Variants in MYBL2 observed in about 807,000 individuals in gnomAD.
The protein encoded by MYBL2 is myb-related protein B.
MYBL2 carries 28 observed loss-of-function variants against 79.9 expected under a neutral mutation model. The observed-to-expected ratio is 0.35, with a 90% CI of 0.26 to 0.48. The LOEUF (loss-of-function observed/expected upper bound fraction) is 0.48. Among genes scored for constraint, MYBL2 ranks in the 20% least tolerant of loss-of-function variants. The pLI is 0.99. For missense variants in MYBL2, 735 were observed against 893.9 expected, an observed-to-expected ratio of 0.82 and a Z score of 2.27; for synonymous variants, 378 against 361.2, an observed-to-expected ratio of 1.05 and a Z score of -0.53.
rs138612362 is a variant in MYBL2, at chr20:43,710,029, C to T, written c.1572C>T (p.Asn524=). ...CCCACACGCCAACCCCGTTCAAGAA[C>T]GCCCTGGAGAAGTACGGACCCCTGA... is the stretch of plus-strand genomic sequence containing the variant. ...NTPHTPTPFK[N]ALEKYGPLKP... is the part of the protein sequence containing the mutation. Residue 524 remains asparagine (N), a synonymous_variant, in exon 10 of 14, where the codon AAC becomes AAT. Transcript: ENST00000217026. The T allele has an allele frequency of 8.7e-5, 140 of 1,609,880 alleles. No homozygotes were observed. Among genetic ancestry groups the T allele is most frequent in the Non-Finnish European group, 1.0e-4 (118 of 1,178,136 alleles).
At chr20:43,681,986 A>C in intron 3 of MYBL2, 131 bp downstream of exon 3, 1 of 888,170 alleles carries the variant, frequency 1.1e-6, no homozygotes, top group Non-Finnish European at 1.8e-6. Flanking sequence ...ACCAAATAAA[A>C]CAGGGCAAAT....
At chr20:43,706,863 G>A (rs1010221229) in intron 9 of MYBL2, among the ~76,000 whole-genome samples, 7 of 150,664 alleles carry the variant, frequency 4.6e-5, no homozygotes, top group South Asian at 2.1e-4. Context: ...TTACAGGCAC[G>A]CGCCACCACA....
In MYBL2 at chr20:43,715,138, C is replaced by A; in HGVS notation, c.1829C>A (p.Thr610Lys). The A allele has an allele frequency of 6.2e-7, 1 of 1,614,196 alleles. No individual in the cohort carries two copies. Among genetic ancestry groups the A allele is most frequent in the Non-Finnish European group, 8.5e-7 (1 of 1,180,016 alleles). The change falls in exon 13 of 14, where the codon ACA becomes AAA. Residue 610 changes from threonine (T) to lysine (K), a missense_variant. Coordinates refer to ENST00000217026, the MANE Select transcript of MYBL2 (RefSeq NM_002466.4). ...STLPKSLSLP[T>K]TAPSNSSSLT... is the part of the protein sequence containing the mutation. ...TTGACTTGGTTTTGGTTTCAGCCGA[C>A]AACTGCCCCTTCAAACTCTTCCAGC...
chr20:43,708,091 AGCCTCCCT>A lies in MYBL2; in HGVS notation c.1506-1862_1506-1855del, dbSNP rs199976436. Among the ~76,000 whole-genome samples, 1,198 of 152,292 alleles carry A rather than the reference AGCCTCCCT, an allele frequency of 7.9e-3. 19 individuals are homozygous for A. The highest frequency in any genetic ancestry group is 0.027 in the African/African-American group (1,116 of 41,548). On this transcript the variant is annotated intron_variant, in intron 9 of 13. Coordinates refer to ENST00000217026, the MANE Select transcript of MYBL2 (RefSeq NM_002466.4). ...ATCTTTTGAATTCCCTTTTCAAGTC[AGCCTCCCT>A]GCCTCCCTGAGTTTTCTTTTTGAGA...
At chr20:43,677,539 A>C (rs905643041) in intron 2 of MYBL2, among the ~76,000 whole-genome samples, 2 of 152,242 alleles carry the variant, frequency 1.3e-5, no homozygotes, top group African/African-American at 4.8e-5. Context: ...AGGTGGAGAA[A>C]AGCCAGTACA....
chr20:43,709,921 C>T (rs1987868138), intron 9 of MYBL2, 42 bp from the exon 10 acceptor site: 1 of 1,514,454 alleles, frequency 6.6e-7, no homozygotes, highest in South Asian at 1.2e-5. Context: ...CTGGCGTCGG[C>T]CCCTATCCTG....
At position 43,669,416 on chromosome 20, in the gene MYBL2, T is replaced by A. The variant is rs964537280; in HGVS notation, c.20+2113T>A. On this transcript the variant is annotated intron_variant, in intron 1 of 13. Transcript: ENST00000217026. ...GCTCAGTGGAGGAACCCCTCCTGTG[T>A]GAAGGATGGCAGCTCCACAGCCCTC... 4.6e-5 allele frequency among the ~76,000 whole-genome samples: 7 copies of A among 152,188 alleles called. No individual in the cohort carries two copies. In the East Asian group the frequency reaches 1.3e-3, roughly 29 times the overall value.
chr20:43,673,036 C>T (rs906190078), intron 1 of MYBL2, among the ~76,000 whole-genome samples: 8 of 152,086 alleles, frequency 5.3e-5, no homozygotes, highest in Admixed American at 2.6e-4. Context: ...CTTCACCTCC[C>T]GGGTTCAAGC....
Position 43,686,918 on chromosome 20 carries a change from C to T in MYBL2, c.346C>T (p.Arg116Trp). 6.2e-7 allele frequency: 1 copy of T among 1,614,138 alleles called. No individual in the cohort carries two copies. The highest frequency in any genetic ancestry group is 8.5e-7 in the Non-Finnish European group (1 of 1,180,034). The part of the protein sequence containing the change: ...WTLIAKHLKG[R>W]LGKQCRERWH... ...ACTGATTGCCAAGCACCTGAAGGGC[C>T]GGCTGGGGAAGCAGTGCCGTGAACG... is the stretch of plus-strand genomic sequence containing the variant. Residue 116 changes from arginine (R) to tryptophan (W), a missense_variant, in exon 5 of 14, where the codon CGG (arginine) becomes TGG (tryptophan). Around this residue, in one of 5 missense-constraint regions of MYBL2, gnomAD observed 65 missense variants for 145.2 expected, o/e 0.45. Coordinates refer to ENST00000217026, the MANE Select transcript of MYBL2 (RefSeq NM_002466.4).
chr20:43,673,668 G>T (rs377571253), intron 1 of MYBL2, 138 bp from the exon 2 acceptor site: 1 of 801,188 alleles, frequency 1.2e-6, no homozygotes, highest in Non-Finnish European at 2.2e-6. Context: ...AAGTGCCTAT[G>T]TCTTAAAAAG....
At chr20:43,670,909 T>G (rs891750428) in intron 1 of MYBL2, among the ~76,000 whole-genome samples, 3 of 152,060 alleles carry the variant, frequency 2.0e-5, no homozygotes, top group Non-Finnish European at 4.4e-5. Context: ...GGGGAAAGAT[T>G]ACTAACTTTC....
chr20:43,716,391 C>A lies in MYBL2; in HGVS notation c.*304C>A. ...ACGTCAGGCCTGGCCTCATCTCAGA[C>A]CCTGCTTAGGATGGGGGATGTGGCC... On this transcript the variant is annotated 3_prime_UTR_variant, in exon 14 of 14. Transcript: ENST00000217026. The A allele has an allele frequency of 2.4e-6, 1 of 415,520 alleles. No homozygotes were observed. Among genetic ancestry groups the A allele is most frequent in the Non-Finnish European group, 4.3e-6 (1 of 233,034 alleles). 25.7% of individuals were successfully genotyped at this position (415,520 alleles called of 1,614,324 possible).
chr20:43,710,178 G>T, intron 10 of MYBL2, 116 bp downstream of exon 10: 1 of 811,096 alleles, frequency 1.2e-6, no homozygotes, highest in South Asian at 2.5e-5. Flanking sequence ...TCTTTCTCCT[G>T]AGAAGATGCA....
intron 10 of MYBL2, among the ~76,000 whole-genome samples, chr20:43,710,738 G>A (rs1987886620): frequency 1.3e-5 from 2 of 152,146 alleles, no homozygotes; most frequent in African/African-American, 4.8e-5. Flanking sequence ...GGGGGCTGAG[G>A]CTCCCTTGGG....
chr20:43,684,467 C>T (rs1334802012), intron 4 of MYBL2, among the ~76,000 whole-genome samples: 1 of 151,110 alleles, frequency 6.6e-6, no homozygotes, highest in African/African-American at 2.4e-5. Context: ...GAACTCCTGA[C>T]CTTGTGATCT....
At chr20:43,697,786 G>A (rs1987578578) in intron 6 of MYBL2, among the ~76,000 whole-genome samples, 1 of 149,498 alleles carries the variant, frequency 6.7e-6, no homozygotes, top group South Asian at 2.1e-4. Flanking sequence ...ATGGTGGCGG[G>A]CACCTGTAGT....
intron 7 of MYBL2, 147 bp downstream of exon 7, chr20:43,700,191 T>G: frequency 9.1e-7 from 1 of 1,102,592 alleles, no homozygotes; most frequent in Non-Finnish European, 1.3e-6. Context: ...ACCCAAGGGC[T>G]GGGGACACCA....
chr20:43,714,281 G>T (rs73911012), intron 12 of MYBL2, among the ~76,000 whole-genome samples: 2,793 of 152,288 alleles, frequency 0.018, 80 homozygotes, highest in African/African-American at 0.064. Context: ...GTGCAACTCC[G>T]CTGTGCTTGG....
chr20:43,685,382 T>G (rs1446631632), intron 4 of MYBL2, among the ~76,000 whole-genome samples: 1 of 151,600 alleles, frequency 6.6e-6, no homozygotes, highest in African/African-American at 2.4e-5. Flanking sequence ...GGTTTTGCCA[T>G]GTTGGTCAGG....
Sources: allele counts gnomAD v4.1 joint callset (sites outside exome capture counted in the v4.1 genomes callset), GRCh38; gene constraint gnomAD v4.1.1; regional missense constraint gnomAD v4.1.1; transcripts MANE v1.5; gene names NCBI Gene and HGNC (gene_info 2026-07-23, HGNC 2026-07-21).